The following CBR4 variants were observed in gnomAD, a reference collection of about 807,000 sequenced individuals.
CBR4 encodes 3-oxoacyl-[acyl-carrier-protein] reductase.
A neutral mutation model predicts 21.0 loss-of-function variants in CBR4; 22 were observed. The ratio of observed to expected loss-of-function variants is 1.05; its 90% CI spans 0.75 to 1.50. CBR4 has a LOEUF of 1.50. CBR4 is among the 40% of genes most tolerant of loss of function. The probability of loss-of-function intolerance (pLI) is 0.00; values close to 1 mark genes in which losing one functional copy is unlikely to be tolerated. For synonymous variants in CBR4, 100 were observed against 104.4 expected (o/e 0.96, Z 0.26); for missense variants, 302 against 286.3 (o/e 1.05, Z -0.40).
intron 2 of CBR4, among the ~76,000 whole-genome samples, chr4:168,930,143 A>AGAT (rs1338634010): frequency 5.9e-5 from 9 of 152,192 alleles, no homozygotes; most frequent in African/African-American, 1.9e-4. Flanking sequence ...AGTTACCAAT[A>AGAT]GATGTAATTT....
chr4:168,913,603 C>CATG, intron 2 of CBR4, among the ~76,000 whole-genome samples: 1 of 151,956 alleles, frequency 6.6e-6, no homozygotes, highest in Non-Finnish European at 1.5e-5. Context: ...TACAATTCAA[C>CATG]ATCATGTGTT....
chr4:168,925,703 ATTAAGAATTTAT>A (rs1319892334), intron 2 of CBR4, among the ~76,000 whole-genome samples: 2 of 152,292 alleles, frequency 1.3e-5, no homozygotes, highest in South Asian at 2.1e-4. Flanking sequence ...CTAGAAAAAA[ATTAAGAATTTAT>A]TTAAGAATTT....
At chr4:169,007,781 T>C (rs772151365) in intron 1 of CBR4, 25 bp from the exon 2 acceptor site, 3 of 1,535,908 alleles carry the variant, frequency 2.0e-6, no homozygotes, top group African/African-American at 2.8e-5. Flanking sequence ...TAAATAAGAA[T>C]TACTTATAAC....
At chr4:168,933,761 G>A (rs945169063) in intron 2 of CBR4, among the ~76,000 whole-genome samples, 1 of 151,854 alleles carries the variant, frequency 6.6e-6, no homozygotes, top group Non-Finnish European at 1.5e-5. Flanking sequence ...CCATATATTA[G>A]GACACAAACC....
intron 2 of CBR4, chr4:168,926,075 C>G: frequency 4.5e-6 from 3 of 666,680 alleles, no homozygotes; most frequent in Non-Finnish European, 7.1e-6. Flanking sequence ...AAAAGTGTTC[C>G]TAAATTTTCC....
chr4:168,907,772 T>C (rs1181724595), intron 2 of CBR4, among the ~76,000 whole-genome samples: 3 of 151,980 alleles, frequency 2.0e-5, no homozygotes, highest in Admixed American at 6.6e-5. Context: ...GCCCTCCTAA[T>C]AGAATATCCT....
At chr4:168,938,740 C>A (rs1196039080) in intron 2 of CBR4, among the ~76,000 whole-genome samples, 1 of 152,104 alleles carries the variant, frequency 6.6e-6, no homozygotes, top group Non-Finnish European at 1.5e-5. Flanking sequence ...GACACATAAA[C>A]CCTCCCAAGA....
At position 168,990,158 on chromosome 4, in the gene CBR4, T is replaced by G. The variant is rs766973161; in HGVS notation, c.706A>C (p.Ile236Leu). Residue 236 changes from isoleucine to leucine, a missense_variant, in exon 5 of 5, where the codon ATT becomes CTT. Transcript: ENST00000306193. ...VLVVDGGLQL[I>L]L Reference sequence around the variant, plus strand: ...ACTGAATAATCTGCAAATTACAAAATGAGTTGTAATCCCCCATCCACTACC... The same window carrying G: ...ACTGAATAATCTGCAAATTACAAAAGGAGTTGTAATCCCCCATCCACTACC... The G allele has an allele frequency of 6.3e-7, 1 of 1,592,906 alleles. No individual in the cohort carries two copies. The highest frequency in any genetic ancestry group is 8.5e-7 in the Non-Finnish European group (1 of 1,170,182).
chr4:168,894,488 A>G, intron 3 of CBR4: 1 of 789,136 alleles, frequency 1.3e-6, no homozygotes, highest in Non-Finnish European at 2.2e-6. Context: ...GAAAATCATG[A>G]AAGTGTGTTG....
Position 168,924,418 on chromosome 4 carries a change from G to C in CBR4, n.170-29653C>G, listed in dbSNP as rs775271720. ...CACTCACTCACAGCACTGACCGAGT[G>C]AGGTAAGACTGCACAATGAGAACCT... On this transcript the variant is annotated intron_variant and non_coding_transcript_variant, in intron 2 of 3. Coordinates refer to the CBR4 transcript ENST00000509108. 19 of 1,613,510 alleles carry C rather than the reference G, an allele frequency of 1.2e-5. No homozygotes were observed. The African/African-American group carries it at 2.5e-4, about 22-fold the overall frequency.
intron 2 of CBR4, among the ~76,000 whole-genome samples, chr4:168,895,340 C>T (rs2151223301): frequency 6.6e-6 from 1 of 152,302 alleles, no homozygotes; most frequent in African/African-American, 2.4e-5. Context: ...TGAGGTTGTA[C>T]CACTGCACTC....
At chr4:168,961,990 G>GAGGAA in intron 2 of CBR4, among the ~76,000 whole-genome samples, 1 of 140,006 alleles carries the variant, frequency 7.1e-6, no homozygotes, top group East Asian at 2.1e-4. Context: ...GAGGAGAGGA[G>GAGGAA]AGGAAAGGAA....
chr4:168,997,669 G>A (rs1269751927), intron 4 of CBR4, among the ~76,000 whole-genome samples: 1 of 152,088 alleles, frequency 6.6e-6, no homozygotes, highest in African/African-American at 2.4e-5. Context: ...ACTATAAATA[G>A]AAACACCTCA....
At chr4:168,961,762 C>G (rs895371862) in intron 2 of CBR4, among the ~76,000 whole-genome samples, 2 of 152,046 alleles carry the variant, frequency 1.3e-5, no homozygotes, top group Non-Finnish European at 2.9e-5. Context: ...TGGCGAAAGG[C>G]GCCTGTAATC....
chr4:168,994,404 A>C (rs747433323), intron 4 of CBR4, among the ~76,000 whole-genome samples: 2 of 152,170 alleles, frequency 1.3e-5, no homozygotes, highest in Non-Finnish European at 2.9e-5. Context: ...CAAACAGGTC[A>C]CGGTGCTGCA....
At position 168,990,258 on chromosome 4, in the gene CBR4, C is replaced by T; in HGVS notation, c.606G>A (p.Arg202=). The change falls in exon 5 of 5, where the codon AGG becomes AGA. Residue 202 remains arginine (R), a synonymous_variant. Transcript: ENST00000306193. ...GTGCCACCTCAATAGTTTCTCCAAA[C>T]CTCCCAAGAGGAATATTTTTCTTTA... ...EHLKKNIPLG[R]FGETIEVAHA... is the part of the protein sequence containing the mutation. 1 of 1,613,566 alleles carries T rather than the reference C, an allele frequency of 6.2e-7. No individual in the cohort carries two copies. Among genetic ancestry groups the T allele is most frequent in the Middle Eastern group, 1.7e-4 (1 of 6,054 alleles).
chr4:168,908,102 A>G (rs1372825461), intron 2 of CBR4, among the ~76,000 whole-genome samples: 2 of 152,224 alleles, frequency 1.3e-5, no homozygotes, highest in African/African-American at 4.8e-5. Flanking sequence ...GCCACTTAGC[A>G]GTAGTAGTAT....
chr4:168,992,581 T>C (rs1288012367), intron 4 of CBR4, among the ~76,000 whole-genome samples: 1 of 152,208 alleles, frequency 6.6e-6, no homozygotes, highest in Non-Finnish European at 1.5e-5. Context: ...AACATTTGTG[T>C]ATAAAATGTA....
chr4:169,001,515 T>C (rs961740469), intron 4 of CBR4: 5 of 152,988 alleles, frequency 3.3e-5, no homozygotes, highest in African/African-American at 1.2e-4. Context: ...CCAAATCTCA[T>C]GTTGAAATGT....
Sources: gnomAD v4.1 joint callset for allele counts (sites outside exome capture counted in the v4.1 genomes callset) on GRCh38, gnomAD v4.1.1 for gene constraint, MANE v1.5 for transcripts, NCBI Gene and HGNC (gene_info 2026-07-23, HGNC 2026-07-21) for gene names.